Variants in KCNQ1 observed in about 807,000 individuals in gnomAD.
KCNQ1 encodes the protein potassium voltage-gated channel subfamily Q member 1.
A neutral mutation model predicts 72.4 loss-of-function variants in KCNQ1; 49 were observed. The observed-to-expected ratio is 0.68, with a 90% CI of 0.54 to 0.86. The LOEUF (loss-of-function observed/expected upper bound fraction) is 0.86, where lower values mean the gene tolerates loss of function less well. Among genes scored for constraint, KCNQ1 ranks in the 40% least tolerant of loss-of-function variants. KCNQ1 has a pLI of 0.00. For synonymous variants in KCNQ1, 450 were observed against 412.6 expected (o/e 1.09, Z -1.10); for missense variants, 790 against 945.1 (o/e 0.84, Z 2.15).
At chr11:2,739,253 A>G (rs1590062110) in intron 11 of KCNQ1, among the ~76,000 whole-genome samples, 1 of 152,168 alleles carries the variant, frequency 6.6e-6, no homozygotes, top group Non-Finnish European at 1.5e-5. Context: ...GGTGACACCA[A>G]CCCAGCCCCT....
chr11:2,549,823 C>A lies in KCNQ1; in HGVS notation c.478-20805C>A, dbSNP rs1847955773. Among the ~76,000 whole-genome samples, 1 of 151,998 alleles carries A rather than the reference C, an allele frequency of 6.6e-6. No individual in the cohort carries two copies. The highest frequency in any genetic ancestry group is 1.5e-5 in the Non-Finnish European group (1 of 67,994). On this transcript the variant is annotated intron_variant, in intron 2 of 15. Coordinates refer to ENST00000155840, the MANE Select transcript of KCNQ1 (RefSeq NM_000218.3). This position sits in a 1 kb window ranked among gnomAD's most constrained non-coding sequence, Gnocchi z 6.2. Reference sequence around the variant, plus strand: ...ATGCGCCTCCTTCCCCATGACTGGCCCTGGGTGGCGGAGAGACCCCTGGGC... The same window carrying A: ...ATGCGCCTCCTTCCCCATGACTGGCACTGGGTGGCGGAGAGACCCCTGGGC...
rs1237968699 is a variant in KCNQ1, at chr11:2,478,275, G to A, written c.386+32791G>A. ...AATAAAGTACCGTTCAGGGTGAAGG[G>A]GAAGGAAGAAATGTGATGCCTAAGT... On this transcript the variant is annotated intron_variant, in intron 1 of 15. Coordinates refer to ENST00000155840, the MANE Select transcript of KCNQ1 (RefSeq NM_000218.3). The surrounding 1 kb of genome is among the most constrained non-coding windows in gnomAD (Gnocchi z 4.0). Among the ~76,000 whole-genome samples, 2 of 152,182 alleles carry A rather than the reference G, an allele frequency of 1.3e-5. No homozygotes were observed. The highest frequency in any genetic ancestry group is 2.1e-4 in the South Asian group (1 of 4,820).
rs187767878 is a variant in KCNQ1 at position 2,828,273 on chromosome 11, G to A, written c.1795-19494G>A. On this transcript the variant is annotated intron_variant, in intron 15 of 15. Coordinates refer to ENST00000155840, the MANE Select transcript of KCNQ1 (RefSeq NM_000218.3). The surrounding 1 kb of genome is among the most constrained non-coding windows in gnomAD (Gnocchi z 5.3). ...GGGGCTGCTGGAAGGTTTGGTGACC[G>A]GAGCAGCAGGTGCCAGAGCTGAAAG... Among the ~76,000 whole-genome samples the A allele has an allele frequency of 5.3e-3, 803 of 152,326 alleles. 23 individuals are homozygous for A. The highest frequency in any genetic ancestry group is 3.4e-3 in the Middle Eastern group (1 of 294).
chr11:2,838,703 C>G (rs1024662918), intron 15 of KCNQ1, among the ~76,000 whole-genome samples: 1 of 152,124 alleles, frequency 6.6e-6, no homozygotes, highest in African/African-American at 2.4e-5. Flanking sequence ...GACACGAGAA[C>G]GGCCAGGCAG....
intron 15 of KCNQ1, among the ~76,000 whole-genome samples, chr11:2,843,118 G>A (rs570644845): frequency 6.6e-6 from 1 of 152,362 alleles, no homozygotes; most frequent in Non-Finnish European, 1.5e-5. Context: ...AGCTCCAGCA[G>A]GGCAGCTGCC....
intron 1 of KCNQ1, among the ~76,000 whole-genome samples, chr11:2,502,837 C>G (rs975186676): frequency 6.6e-6 from 1 of 152,130 alleles, no homozygotes; most frequent in Non-Finnish European, 1.5e-5. Flanking sequence ...AAAACAGACA[C>G]GTAGACCAAT....
intron 1 of KCNQ1, among the ~76,000 whole-genome samples, chr11:2,454,172 C>T (rs895945129): frequency 4.0e-5 from 6 of 151,854 alleles, no homozygotes; most frequent in South Asian, 2.1e-4. Flanking sequence ...ATATTAAAAA[C>T]GAAAGCAATG....
At chr11:2,618,883 C>A (rs1849116497) in intron 10 of KCNQ1, 1 of 398,006 alleles carries the variant, frequency 2.5e-6, no homozygotes, top group Non-Finnish European at 4.4e-6. Context: ...TTTCAGTGTA[C>A]AGGTCTTTCA....
rs1849169318 is a variant in KCNQ1 at position 2,621,366 on chromosome 11, C to T, written c.1393+32512C>T. The T allele has an allele frequency of 2.5e-6, 1 of 398,578 alleles. No individual in the cohort carries two copies. The highest frequency in any genetic ancestry group is 2.1e-5 in the African/African-American group (1 of 48,736). The allele number at this position is 398,578 out of a possible 1,614,324, so 24.7% of individuals were successfully genotyped here. A position where few individuals can be genotyped will look rare whatever the true frequency, so the allele number is the denominator to read the frequency against. ...ATTTTCTTTTAAGAAATGTATGTTC[C>T]TGTCCTTTGCCAATTCAATTGGATT... On this transcript the variant is annotated intron_variant, in intron 10 of 15. Coordinates refer to ENST00000155840, the MANE Select transcript of KCNQ1 (RefSeq NM_000218.3). The surrounding 1 kb of genome is among the most constrained non-coding windows in gnomAD (Gnocchi z 5.7).
In KCNQ1 at chr11:2,848,879, T is replaced by C. The variant is rs1446191321; in HGVS notation, c.*876T>C. On this transcript the variant is annotated 3_prime_UTR_variant, in exon 16 of 16. Coordinates refer to ENST00000155840, the MANE Select transcript of KCNQ1 (RefSeq NM_000218.3). Reference sequence around the variant, plus strand: ...ACAGGGGTTCCTTCTGGGCATTACATCGCATAGAAATCAATAATTTGTGGT... The same window carrying C: ...ACAGGGGTTCCTTCTGGGCATTACACCGCATAGAAATCAATAATTTGTGGT... 2.2e-6 allele frequency: 1 copy of C among 454,042 alleles called. No homozygotes were observed. Among genetic ancestry groups the C allele is most frequent in the East Asian group, 6.9e-5 (1 of 14,398 alleles). The allele number at this position is 454,042 out of a possible 1,614,324, so 28.1% of individuals were successfully genotyped here.
chr11:2,460,280 T>C (rs1291571239), intron 1 of KCNQ1, among the ~76,000 whole-genome samples: 1 of 152,232 alleles, frequency 6.6e-6, no homozygotes, highest in Non-Finnish European at 1.5e-5. Flanking sequence ...GAGCCTGTGC[T>C]GCTGGCCTGC....
rs530612385 is a variant in KCNQ1 at position 2,570,714 on chromosome 11, G to C, written c.564G>C (p.Trp188Cys). Reference protein sequence around the residue: ...AGCRSKYVGLWGRLRFARKPI... With the variant: ...AGCRSKYVGLCGRLRFARKPI... The stretch of plus-strand genomic sequence containing the variant: ...GCCGCAGCAAGTACGTGGGCCTCTG[G>C]GGGCGGCTGCGCTTTGCCCGGAAGC... Residue 188 changes from tryptophan (W) to cysteine (C), a missense_variant, in exon 3 of 16, where the codon TGG (tryptophan) becomes TGC (cysteine). Transcript: ENST00000155840. 3 of 1,612,376 alleles carry C rather than the reference G, an allele frequency of 1.9e-6. No individual in the cohort carries two copies. The African/African-American group carries it at 4.0e-5, about 21-fold the overall frequency.
At chr11:2,553,615 A>C (rs11828404) in intron 2 of KCNQ1, among the ~76,000 whole-genome samples, 20,564 of 152,086 alleles carry the variant, frequency 0.14, 3,216 homozygotes, top group African/African-American at 0.38. Flanking sequence ...AGCAAAGCAA[A>C]CTTGCTTCCC....
rs1329487494 is a variant in KCNQ1, at chr11:2,509,553, G to A, written c.387-18375G>A. Among the ~76,000 whole-genome samples the A allele has an allele frequency of 6.6e-6, 1 of 152,234 alleles. No individual in the cohort carries two copies. Among genetic ancestry groups the A allele is most frequent in the Non-Finnish European group, 1.5e-5 (1 of 68,042 alleles). ...AGGATGAGCCCAGCTATTCTGGGAA[G>A]CAGGCAGGAAGTGGCAGCTCCAGGT... On this transcript the variant is annotated intron_variant, in intron 1 of 15. Coordinates refer to ENST00000155840, the MANE Select transcript of KCNQ1 (RefSeq NM_000218.3). The surrounding 1 kb of genome is among the most constrained non-coding windows in gnomAD (Gnocchi z 6.3).
chr11:2,524,501 A>G (rs1041456714), intron 1 of KCNQ1, among the ~76,000 whole-genome samples: 1 of 152,156 alleles, frequency 6.6e-6, no homozygotes, highest in African/African-American at 2.4e-5. Context: ...ACTGTCTGCA[A>G]AGCACTGGCT....
intron 11 of KCNQ1, chr11:2,667,693 A>G (rs1484105148): frequency 1.0e-5 from 4 of 398,732 alleles, no homozygotes; most frequent in Non-Finnish European, 1.8e-5. Flanking sequence ...CACGGAGGTG[A>G]CCTAGTCAGG....
At position 2,621,179 on chromosome 11, in the gene KCNQ1, T is replaced by C. The variant is rs1403799190; in HGVS notation, c.1393+32325T>C. On this transcript the variant is annotated intron_variant, in intron 10 of 15. Transcript: ENST00000155840. This position sits in a 1 kb window ranked among gnomAD's most constrained non-coding sequence, Gnocchi z 5.7. ...TTTTAGTAGAGACGGGGTTTCACCA[T>C]GTTGGCCAGGATGGTCTCGAATACC... The C allele has an allele frequency of 2.5e-6, 1 of 397,464 alleles. No homozygotes were observed. The highest frequency in any genetic ancestry group is 4.4e-6 in the Non-Finnish European group (1 of 226,026). The allele number at this position is 397,464 out of a possible 1,614,324, so 24.6% of individuals were successfully genotyped here. A position where few individuals can be genotyped will look rare whatever the true frequency, so the allele number is the denominator to read the frequency against.
Position 2,462,167 on chromosome 11 carries a change from G to C in KCNQ1, c.386+16683G>C, listed in dbSNP as rs1347519949. ...TCATGGAGAGCCCCAAGGAGCCAGG[G>C]AGGAGCCTTCTGGTGGTTTGGGTTC... On this transcript the variant is annotated intron_variant, in intron 1 of 15. Coordinates refer to ENST00000155840, the MANE Select transcript of KCNQ1 (RefSeq NM_000218.3). The surrounding 1 kb of genome is among the most constrained non-coding windows in gnomAD (Gnocchi z 8.2). 6.6e-6 allele frequency among the ~76,000 whole-genome samples: 1 copy of C among 152,192 alleles called. No individual in the cohort carries two copies. The highest frequency in any genetic ancestry group is 1.5e-5 in the Non-Finnish European group (1 of 68,036).
At chr11:2,838,725 C>T (rs553176011) in intron 15 of KCNQ1, among the ~76,000 whole-genome samples, 3 of 152,280 alleles carry the variant, frequency 2.0e-5, no homozygotes, top group South Asian at 2.1e-4. Flanking sequence ...CCTGGCTTCC[C>T]CTGCCCACCT....
Sources: gnomAD v4.1 joint callset for allele counts (sites outside exome capture counted in the v4.1 genomes callset) on GRCh38, gnomAD v4.1.1 for gene constraint, Gnocchi (gnomAD v3.1) non-coding constraint, MANE v1.5 for transcripts, NCBI Gene and HGNC (gene_info 2026-07-23, HGNC 2026-07-21) for gene names.